LDLRAD4: variants seen among roughly 807,000 people sequenced by gnomAD.
The protein encoded by LDLRAD4 is low density lipoprotein receptor class A domain containing 4, also known as low-density lipoprotein receptor class A domain-containing protein 4.
In LDLRAD4, 5 loss-of-function variants were observed where a neutral mutation model predicts 17.0. The ratio of observed to expected loss-of-function variants is 0.29; its 90% CI spans 0.15 to 0.62. The LOEUF (loss-of-function observed/expected upper bound fraction) is 0.62. Among genes scored for constraint, LDLRAD4 ranks in the 20% least tolerant of loss-of-function variants. LDLRAD4 has a pLI of 0.84. For synonymous variants in LDLRAD4, 168 were observed against 171.8 expected, an observed-to-expected ratio of 0.98 and a Z score of 0.17; for missense variants, 340 against 424.7, an observed-to-expected ratio of 0.80 and a Z score of 1.75.
chr18:13,523,481 C>T lies in LDLRAD4; in HGVS notation c.181+85097C>T, dbSNP rs192388270. Among the ~76,000 whole-genome samples, 16 of 152,274 alleles carry T rather than the reference C, an allele frequency of 1.1e-4. No individual in the cohort carries two copies. In the East Asian group the frequency reaches 1.9e-3, roughly 18 times the overall value. On this transcript the variant is annotated intron_variant, in intron 3 of 5. Transcript: ENST00000359446. Reference sequence around the variant, plus strand: ...TACAGGCGAATGCTGAAGAGGACCCCAGGCCTGGGATGAGAGTGCAGCCCG... The same window carrying T: ...TACAGGCGAATGCTGAAGAGGACCCTAGGCCTGGGATGAGAGTGCAGCCCG...
chr18:13,497,136 T>G (rs1344369002), intron 3 of LDLRAD4, among the ~76,000 whole-genome samples: 1 of 152,246 alleles, frequency 6.6e-6, no homozygotes, highest in Non-Finnish European at 1.5e-5. Context: ...GACTGCTTAG[T>G]TACAGAGCAT....
At chr18:13,284,906 A>G (rs950642474) in intron 1 of LDLRAD4, among the ~76,000 whole-genome samples, 3 of 152,180 alleles carry the variant, frequency 2.0e-5, no homozygotes, top group African/African-American at 7.2e-5. Context: ...CATAAGTCAC[A>G]TCAGTGCATC....
chr18:13,283,906 A>T (rs2045445129), intron 1 of LDLRAD4, among the ~76,000 whole-genome samples: 1 of 152,200 alleles, frequency 6.6e-6, no homozygotes, highest in Non-Finnish European at 1.5e-5. Flanking sequence ...GGCACTTCTT[A>T]CAGGGCGGCA....
At chr18:13,287,445 G>A (rs977169825) in intron 1 of LDLRAD4, among the ~76,000 whole-genome samples, 1 of 152,222 alleles carries the variant, frequency 6.6e-6, no homozygotes, top group African/African-American at 2.4e-5. Context: ...AGGTTGAAAT[G>A]AGTTTGCCTT....
chr18:13,568,619 G>T lies in LDLRAD4; in HGVS notation c.182-52498G>T, dbSNP rs2094639581. On this transcript the variant is annotated intron_variant, in intron 3 of 5. Transcript: ENST00000359446. ...ACCTCACCGTAAGGCCACACCAGCT[G>T]CAGGAGGAACTGGACAAGGTTCCAG... Among the ~76,000 whole-genome samples the T allele has an allele frequency of 2.6e-5, 4 of 152,320 alleles. No homozygotes were observed. In the South Asian group the frequency reaches 8.3e-4, roughly 32 times the overall value.
chr18:13,425,365 T>C (rs2089842816), intron 2 of LDLRAD4, among the ~76,000 whole-genome samples: 1 of 152,204 alleles, frequency 6.6e-6, no homozygotes, highest in African/African-American at 2.4e-5. Context: ...TCAGTGTGCA[T>C]TTTGGGACTA....
intron 3 of LDLRAD4, among the ~76,000 whole-genome samples, chr18:13,583,944 A>G (rs1290367): frequency 0.28 from 42,122 of 152,022 alleles, 5,911 homozygotes; most frequent in East Asian, 0.42. Flanking sequence ...CCAGCTGCCT[A>G]CAGGCCTGCC....
chr18:13,602,149 G>A (rs1195357105), intron 3 of LDLRAD4, among the ~76,000 whole-genome samples: 1 of 152,242 alleles, frequency 6.6e-6, no homozygotes, highest in East Asian at 1.9e-4. Context: ...TAGAAACTGG[G>A]GACTCCAAAA....
At chr18:13,280,848 T>C (rs2045227031) in intron 1 of LDLRAD4, among the ~76,000 whole-genome samples, 1 of 152,206 alleles carries the variant, frequency 6.6e-6, no homozygotes, top group Non-Finnish European at 1.5e-5. Context: ...CAGTGGTCCC[T>C]GTGGGGAGAC....
chr18:13,485,081 T>C (rs1365530290), intron 3 of LDLRAD4, among the ~76,000 whole-genome samples: 3 of 152,222 alleles, frequency 2.0e-5, no homozygotes, highest in African/African-American at 4.8e-5. Flanking sequence ...GAATACCTGT[T>C]GTTTACTAGG....
intron 3 of LDLRAD4, among the ~76,000 whole-genome samples, chr18:13,581,340 GT>G (rs1393536997): frequency 6.6e-6 from 1 of 151,978 alleles, no homozygotes; most frequent in African/African-American, 2.4e-5. Flanking sequence ...TCTGCTAGTT[GT>G]TTTTTTCTTA....
At position 13,645,280 on chromosome 18, in the gene LDLRAD4, CCTT is replaced by C; in HGVS notation, c.545_547del (p.Pro182_Tyr183delinsHis). 6.2e-7 allele frequency: 1 copy of C among 1,614,242 alleles called. No individual in the cohort carries two copies. The highest frequency in any genetic ancestry group is 8.5e-7 in the Non-Finnish European group (1 of 1,180,034). ...CCTGTCCGACGGTGAAGAGCCACCT[CCTT>C]ACCAGGGGCCCTGCACCCTGCAGCT... is the stretch of plus-strand genomic sequence containing the variant. On this transcript the variant is annotated inframe_deletion, in exon 6 of 6. Transcript: ENST00000359446. The surrounding 1 kb of genome is among the most constrained non-coding windows in gnomAD (Gnocchi z 5.7).
intron 1 of LDLRAD4, among the ~76,000 whole-genome samples, chr18:13,225,168 T>G (rs1356546809): frequency 2.6e-5 from 4 of 152,180 alleles, no homozygotes; most frequent in Non-Finnish European, 4.4e-5. Flanking sequence ...GAGGTATAGG[T>G]AAATGAATCA....
At chr18:13,318,863 C>T (rs905671116) in intron 1 of LDLRAD4, among the ~76,000 whole-genome samples, 3 of 152,176 alleles carry the variant, frequency 2.0e-5, no homozygotes, top group Non-Finnish European at 4.4e-5. Context: ...GAAAAGCCCT[C>T]TTACTTTACA....
intron 1 of LDLRAD4, among the ~76,000 whole-genome samples, chr18:13,380,154 C>T (rs1023140112): frequency 2.6e-5 from 4 of 152,216 alleles, no homozygotes; most frequent in South Asian, 2.1e-4. Flanking sequence ...CCAGAATGCA[C>T]GTCTGCTCAG....
intron 3 of LDLRAD4, among the ~76,000 whole-genome samples, chr18:13,587,202 T>A (rs573419504): frequency 6.6e-6 from 1 of 152,332 alleles, no homozygotes; most frequent in South Asian, 2.1e-4. Flanking sequence ...TGGGTGGACC[T>A]GAAAATTTGC....
chr18:13,500,219 A>G (rs1355233127), intron 3 of LDLRAD4, among the ~76,000 whole-genome samples: 2 of 152,072 alleles, frequency 1.3e-5, no homozygotes, highest in African/African-American at 4.8e-5. Context: ...GCAGCTAGCC[A>G]GGCTGGCCTG....
At chr18:13,375,135 G>A (rs566246176) in intron 1 of LDLRAD4, among the ~76,000 whole-genome samples, 1 of 152,320 alleles carries the variant, frequency 6.6e-6, no homozygotes, top group East Asian at 1.9e-4. Flanking sequence ...GGCAGCCTCT[G>A]TGCTCACTGT....
intron 1 of LDLRAD4, chr18:13,241,836 G>T (rs2042668923): frequency 6.6e-6 from 1 of 152,298 alleles, no homozygotes; most frequent in Admixed American, 6.5e-5. Flanking sequence ...TGGAGACCGG[G>T]ATTGCAAAGA....
Sources: gnomAD v4.1 joint callset for allele counts (sites outside exome capture counted in the v4.1 genomes callset) on GRCh38, gnomAD v4.1.1 for gene constraint, Gnocchi (gnomAD v3.1) non-coding constraint, MANE v1.5 for transcripts, NCBI Gene and HGNC (gene_info 2026-07-23, HGNC 2026-07-21) for gene names.